Variants in PLD1 observed in about 807,000 individuals in gnomAD.
The protein encoded by PLD1 is choline phosphatase 1.
PLD1 carries 112 observed loss-of-function variants against 137.1 expected under a neutral mutation model. That is an observed-to-expected ratio of 0.82 (90% CI 0.70 to 0.96). The LOEUF is 0.96. PLD1 is among the 40% of genes least tolerant of loss of function. The pLI, the probability that PLD1 is intolerant of heterozygous loss-of-function variation, is 0.00. For missense variants in PLD1, 1,321 were observed against 1,342.0 expected, an observed-to-expected ratio of 0.98 and a Z score of 0.24; for synonymous variants, 431 against 454.7, an observed-to-expected ratio of 0.95 and a Z score of 0.66.
intron 8 of PLD1, chr3:171,721,564 A>G (rs1245525002): frequency 6.6e-6 from 1 of 152,218 alleles, no homozygotes; most frequent in African/African-American, 2.4e-5. Context: ...TTTTTGGTCA[A>G]AGAATCACAA....
intron 1 of PLD1, among the ~76,000 whole-genome samples, chr3:171,784,395 C>T (rs1340706154): frequency 4.0e-5 from 6 of 151,290 alleles, no homozygotes; most frequent in Non-Finnish European, 5.9e-5. Flanking sequence ...GACAGTAGCA[C>T]GTGTTCAGGC....
intron 26 of PLD1, among the ~76,000 whole-genome samples, chr3:171,604,989 CCTCTT>C (rs1471499612): frequency 6.6e-6 from 1 of 152,102 alleles, no homozygotes; most frequent in Non-Finnish European, 1.5e-5. Context: ...GCCATCTGCC[CCTCTT>C]CTCTTTGTCA....
intron 1 of PLD1, among the ~76,000 whole-genome samples, chr3:171,771,560 TAAAC>T (rs1428871815): frequency 6.6e-6 from 1 of 152,206 alleles, no homozygotes; most frequent in Non-Finnish European, 1.5e-5. Flanking sequence ...AACACAAACT[TAAAC>T]AAAGAGAACT....
chr3:171,774,739 C>T (rs1229821380), intron 1 of PLD1, among the ~76,000 whole-genome samples: 1 of 152,116 alleles, frequency 6.6e-6, no homozygotes, highest in Non-Finnish European at 1.5e-5. Context: ...CAAGCCAGCT[C>T]GGGGCTGGAG....
intron 1 of PLD1, among the ~76,000 whole-genome samples, chr3:171,764,901 AAGGAAGGAAGGAAAGAAAGAAAG>A (rs1560288885): frequency 7.5e-4 from 26 of 34,632 alleles, no homozygotes; most frequent in African/African-American, 1.2e-3. Context: ...GAAAGGAAGG[AAGGAAGGAAGGAAAGAAAGAAAG>A]GAAAGAAAGG....
chr3:171,672,352 T>G (rs907434048), intron 19 of PLD1, among the ~76,000 whole-genome samples: 1 of 152,262 alleles, frequency 6.6e-6, no homozygotes, highest in East Asian at 1.9e-4. Flanking sequence ...GTTGGCTGAA[T>G]AAATGAATGA....
rs185992760 is a variant in PLD1, at chr3:171,628,238, C to T, written c.2594-7718G>A. ...TCAGAGAATACTACAAACACCGCTA[C>T]GCAAATAAACTAGAAAATCTAGAAG... On this transcript the variant is annotated intron_variant, in intron 23 of 26. Coordinates refer to ENST00000351298, the MANE Select transcript of PLD1 (RefSeq NM_002662.5). Among the ~76,000 whole-genome samples, 256 of 152,264 alleles carry T rather than the reference C, an allele frequency of 1.7e-3. 2 individuals carry two copies. Among genetic ancestry groups the T allele is most frequent in the African/African-American group, 5.0e-3 (207 of 41,562 alleles).
chr3:171,786,884 T>G (rs540157157), intron 1 of PLD1, among the ~76,000 whole-genome samples: 45 of 152,324 alleles, frequency 3.0e-4, no homozygotes, highest in African/African-American at 1.1e-3. Flanking sequence ...AAATAGATCT[T>G]TCAATACGTG....
chr3:171,659,757 C>T (rs1015147815), intron 20 of PLD1, among the ~76,000 whole-genome samples: 2 of 152,102 alleles, frequency 1.3e-5, no homozygotes, highest in Admixed American at 1.3e-4. Flanking sequence ...TAGTTTTCTC[C>T]ACCCTTTCTC....
chr3:171,700,842 T>C (rs1183337539), intron 11 of PLD1, among the ~76,000 whole-genome samples: 1 of 152,158 alleles, frequency 6.6e-6, no homozygotes, highest in Non-Finnish European at 1.5e-5. Context: ...AATAGAGTCA[T>C]TTTTCCCCTG....
chr3:171,607,033 G>C lies in PLD1; in HGVS notation c.2883-1617C>G, dbSNP rs1732258612. On this transcript the variant is annotated intron_variant, in intron 25 of 26. Coordinates refer to ENST00000351298, the MANE Select transcript of PLD1 (RefSeq NM_002662.5). The stretch of plus-strand genomic sequence containing the variant: ...AAGTTCAAGTCTGTAGATATTAAAG[G>C]ACACTCATTTTAGTTTTAGTCTGCA... Among the ~76,000 whole-genome samples the C allele has an allele frequency of 2.0e-5, 3 of 152,242 alleles. No homozygotes were observed. In the South Asian group the frequency reaches 6.2e-4, roughly 32 times the overall value.
At position 171,644,915 on chromosome 3, in the gene PLD1, G is replaced by A. The variant is rs200317928; in HGVS notation, c.2538C>T (p.Asn846=). 1.3e-6 allele frequency: 2 copies of A among 1,599,850 alleles called. No homozygotes were observed. The highest frequency in any genetic ancestry group is 1.7e-5 in the Admixed American group (1 of 59,994). ...ACCATTTAGAGTTTTGGCACCTGTA[G>A]TTGAAGTGCATGATTGCCTGTAGAG... ...GNALQAIMHF[N]YRTMCRGENS... Residue 846 remains asparagine, a synonymous_variant, in exon 22 of 27, where the codon AAC becomes AAT. Transcript: ENST00000351298.
chr3:171,709,579 C>T lies in PLD1; in HGVS notation c.1042G>A (p.Glu348Lys). 6.2e-7 allele frequency: 1 copy of T among 1,613,998 alleles called. No individual in the cohort carries two copies. The highest frequency in any genetic ancestry group is 1.1e-5 in the South Asian group (1 of 91,066). ...ACTTACCATTTAGCTAAAGCATTCT[C>T]TTGGATAGCAGCATATGACCCAAAT... is the stretch of plus-strand genomic sequence containing the variant. ...HRFGSYAAIQENALAKWYVNA... is the reference protein window; with the variant it reads ...HRFGSYAAIQKNALAKWYVNA... The change falls in exon 10 of 27, where the codon GAG becomes AAG. Residue 348 changes from glutamate to lysine, a missense_variant. By Grantham distance (56) the Glu-to-Lys change is moderately conservative. Transcript: ENST00000351298.
At chr3:171,767,617 C>T (rs374337789) in intron 1 of PLD1, among the ~76,000 whole-genome samples, 30 of 152,342 alleles carry the variant, frequency 2.0e-4, no homozygotes, top group Admixed American at 8.5e-4. Context: ...ATGCACAACA[C>T]TGTCATAGCT....
At chr3:171,784,902 C>T (rs1439560096) in intron 1 of PLD1, among the ~76,000 whole-genome samples, 1 of 152,204 alleles carries the variant, frequency 6.6e-6, no homozygotes. Context: ...GTAGTGGACA[C>T]CTCACACAGT....
intron 1 of PLD1, among the ~76,000 whole-genome samples, chr3:171,797,422 CG>C (rs1366193416): frequency 7.9e-5 from 12 of 152,304 alleles, no homozygotes; most frequent in Non-Finnish European, 1.3e-4. Context: ...AGCATTATCT[CG>C]GAGCTTGTTA....
intron 1 of PLD1, chr3:171,789,952 T>A (rs186579914): frequency 2.6e-5 from 4 of 152,346 alleles, no homozygotes; most frequent in Non-Finnish European, 5.9e-5. Flanking sequence ...CAAAGGATAT[T>A]CTCTCCTAAG....
chr3:171,631,748 G>A (rs1450420651), intron 23 of PLD1, among the ~76,000 whole-genome samples: 1 of 152,084 alleles, frequency 6.6e-6, no homozygotes, highest in Non-Finnish European at 1.5e-5. Flanking sequence ...CACTAAATAA[G>A]AGAAGCAGCT....
chr3:171,733,194 G>T (rs1719080451), intron 6 of PLD1, among the ~76,000 whole-genome samples: 1 of 152,216 alleles, frequency 6.6e-6, no homozygotes, highest in African/African-American at 2.4e-5. Flanking sequence ...CCTATAGCAG[G>T]ATTTCAAGTT....
Sources: gnomAD v4.1 joint callset for allele counts (sites outside exome capture counted in the v4.1 genomes callset) on GRCh38, gnomAD v4.1.1 for gene constraint, MANE v1.5 for transcripts, NCBI Gene and HGNC (gene_info 2026-07-23, HGNC 2026-07-21) for gene names.